ANXA3: variants seen among roughly 807,000 people sequenced by gnomAD.
ANXA3 encodes the protein 35-alpha calcimedin.
A neutral mutation model predicts 48.8 loss-of-function variants in ANXA3; 46 were observed. The ratio of observed to expected loss-of-function variants is 0.94; its 90% CI spans 0.74 to 1.21. ANXA3 has a LOEUF of 1.21. Ranked by LOEUF, ANXA3 falls within the 50% of genes most tolerant of loss-of-function variation. The pLI is 0.00. For synonymous variants in ANXA3, 128 were observed against 134.7 expected (o/e 0.95, Z 0.35); for missense variants, 383 against 378.6 (o/e 1.01, Z -0.10).
chr4:78,565,066 T>C (rs938766779), intron 2 of ANXA3, among the ~76,000 whole-genome samples: 4 of 149,400 alleles, frequency 2.7e-5, no homozygotes, highest in Non-Finnish European at 4.4e-5. Context: ...CGATCTCAGC[T>C]CACTACAACC....
intron 2 of ANXA3, among the ~76,000 whole-genome samples, chr4:78,558,904 A>G (rs576852293): frequency 6.6e-6 from 1 of 152,296 alleles, no homozygotes; most frequent in African/African-American, 2.4e-5. Context: ...CTACCACAGC[A>G]GTATTTTTTC....
At position 78,595,956 on chromosome 4, in the gene ANXA3, A is replaced by G. The variant is rs74454403; in HGVS notation, c.634+69A>G. The G allele has an allele frequency of 7.8e-3, 8,207 of 1,057,280 alleles. 427 individuals are homozygous for G. The African/African-American group carries it at 0.12, about 15-fold the overall frequency. 65.5% of individuals were successfully genotyped at this position (1,057,280 alleles called of 1,614,324 possible). ...ACAAATGTTTTTGCATTTAGTATAC[A>G]AAGATCTAGAAAAACGAAGTTTAAA... On this transcript the variant is annotated intron_variant, in intron 9 of 12. Transcript: ENST00000264908.
In ANXA3 at chr4:78,597,386, G is replaced by T. The variant is rs778839003; in HGVS notation, c.702G>T (p.Gly234=). The part of the protein sequence containing the change: ...IVDSIKGELS[G]HFEDLLLAIV... ...ACAGCATAAAAGGAGAATTATCTGG[G>T]CATTTTGAAGACTTACTGTTGGCCA... The change falls in exon 10 of 13, where the codon GGG becomes GGT. Residue 234 remains glycine, a synonymous_variant. Coordinates refer to ENST00000264908, the MANE Select transcript of ANXA3 (RefSeq NM_005139.3). 1 of 1,609,752 alleles carries T rather than the reference G, an allele frequency of 6.2e-7. No individual in the cohort carries two copies. The highest frequency in any genetic ancestry group is 1.1e-5 in the South Asian group (1 of 90,170).
chr4:78,602,239 C>CAAAAAAAAAAA (rs60958659), intron 11 of ANXA3: 1 of 64,754 alleles, frequency 1.5e-5, no homozygotes, highest in African/African-American at 5.2e-5. Context: ...GACTCTGTCT[C>CAAAAAAAAAAA]AAAAAAAAAA....
In ANXA3 at chr4:78,597,362, C is replaced by G. The variant is rs1462804581; in HGVS notation, c.678C>G (p.Asp226Glu). ...ATATCAGCCAAAAGGACATTGTGGA[C>G]AGCATAAAAGGAGAATTATCTGGGC... Reference protein sequence around the residue: ...YRNISQKDIVDSIKGELSGHF... With the variant: ...YRNISQKDIVESIKGELSGHF... Residue 226 changes from aspartate (D) to glutamate (E), a missense_variant, in exon 10 of 13, where the codon GAC becomes GAG. Physicochemically the swap from Asp to Glu is conservative, Grantham distance 45. Transcript: ENST00000264908. 4 of 1,610,900 alleles carry G rather than the reference C, an allele frequency of 2.5e-6. No homozygotes were observed. Among genetic ancestry groups the G allele is most frequent in the Non-Finnish European group, 3.4e-6 (4 of 1,178,904 alleles).
chr4:78,569,094 A>C (rs551081259), intron 2 of ANXA3, among the ~76,000 whole-genome samples: 1 of 152,362 alleles, frequency 6.6e-6, no homozygotes, highest in Admixed American at 6.5e-5. Flanking sequence ...TGTTCTTAGT[A>C]TAAAGAGCTC....
intron 5 of ANXA3, among the ~76,000 whole-genome samples, chr4:78,583,567 T>C (rs1723116638): frequency 6.7e-6 from 1 of 149,472 alleles, no homozygotes; most frequent in South Asian, 2.1e-4. Context: ...TAGGCTACAA[T>C]GAGCCATGAC....
At chr4:78,556,826 G>A (rs1219415423) in intron 2 of ANXA3, among the ~76,000 whole-genome samples, 2 of 152,140 alleles carry the variant, frequency 1.3e-5, no homozygotes, top group Non-Finnish European at 2.9e-5. Context: ...AATTATTTGG[G>A]CAGGCTCTCC....
chr4:78,598,574 C>G (rs1723474029), intron 10 of ANXA3, among the ~76,000 whole-genome samples: 1 of 151,612 alleles, frequency 6.6e-6, no homozygotes, highest in Non-Finnish European at 1.5e-5. Context: ...GAGTCTCGCT[C>G]GGTTGCCCAA....
chr4:78,598,929 G>A (rs925170713), intron 10 of ANXA3, among the ~76,000 whole-genome samples: 2 of 151,928 alleles, frequency 1.3e-5, no homozygotes, highest in Non-Finnish European at 2.9e-5. Flanking sequence ...TTGTTGAGAT[G>A]TACAAACTCT....
chr4:78,597,495 A>G lies in ANXA3; in HGVS notation c.730+81A>G, dbSNP rs796739014. Reference sequence around the variant, plus strand: ...CCGAGGCCTGCTCCTTTTGGGCAAGAATCCTGACTGATCCATTTTTTTTGC... The same window carrying G: ...CCGAGGCCTGCTCCTTTTGGGCAAGGATCCTGACTGATCCATTTTTTTTGC... On this transcript the variant is annotated intron_variant, in intron 10 of 12. Transcript: ENST00000264908. 5 of 902,238 alleles carry G rather than the reference A, an allele frequency of 5.5e-6. No homozygotes were observed. The African/African-American group carries it at 8.6e-5, about 15-fold the overall frequency. The allele number at this position is 902,238 out of a possible 1,614,324, so 55.9% of individuals were successfully genotyped here.
At chr4:78,593,360 A>G (rs1248280648) in intron 7 of ANXA3, among the ~76,000 whole-genome samples, 2 of 151,306 alleles carry the variant, frequency 1.3e-5, no homozygotes, top group Non-Finnish European at 3.0e-5. Context: ...ACGCCACCAC[A>G]CCCGGCTAAT....
At chr4:78,558,400 C>A (rs757296199) in intron 2 of ANXA3, among the ~76,000 whole-genome samples, 7 of 152,198 alleles carry the variant, frequency 4.6e-5, no homozygotes, top group South Asian at 2.1e-4. Context: ...TGTAAACATT[C>A]TTATCACAAA....
chr4:78,573,938 A>G (rs1033610693), intron 3 of ANXA3, among the ~76,000 whole-genome samples: 1 of 152,080 alleles, frequency 6.6e-6, no homozygotes, highest in Admixed American at 6.6e-5. Context: ...GATCCACACT[A>G]TGGGTTTTCA....
chr4:78,606,693 G>A (rs1723655580), intron 12 of ANXA3, among the ~76,000 whole-genome samples: 1 of 152,128 alleles, frequency 6.6e-6, no homozygotes, highest in South Asian at 2.1e-4. Flanking sequence ...ATGAATGAAT[G>A]AATGAACATC....
chr4:78,567,309 G>T (rs1427578181), intron 2 of ANXA3, among the ~76,000 whole-genome samples: 1 of 152,184 alleles, frequency 6.6e-6, no homozygotes, highest in Non-Finnish European at 1.5e-5. Flanking sequence ...TAAAATCAAG[G>T]TGTGGTCAGG....
At chr4:78,578,646 G>A (rs931525747) in intron 3 of ANXA3, among the ~76,000 whole-genome samples, 1 of 152,022 alleles carries the variant, frequency 6.6e-6, no homozygotes, top group African/African-American at 2.4e-5. Context: ...TTTTCCAGAG[G>A]AAGAAATATT....
intron 12 of ANXA3, among the ~76,000 whole-genome samples, chr4:78,606,897 A>G (rs758119054): frequency 2.6e-5 from 4 of 152,234 alleles, no homozygotes; most frequent in Non-Finnish European, 5.9e-5. Flanking sequence ...GCTCACACTC[A>G]ATTCTATTTG....
intron 4 of ANXA3, among the ~76,000 whole-genome samples, chr4:78,581,497 T>G (rs1332097999): frequency 2.0e-5 from 3 of 152,176 alleles, no homozygotes; most frequent in African/African-American, 7.2e-5. Context: ...ATATTGAATA[T>G]TCCTAAAACA....
Sources: gnomAD v4.1 joint callset for allele counts (sites outside exome capture counted in the v4.1 genomes callset) on GRCh38, gnomAD v4.1.1 for gene constraint, MANE v1.5 for transcripts, NCBI Gene and HGNC (gene_info 2026-07-23, HGNC 2026-07-21) for gene names.